Variants in PIK3R4 observed in about 807,000 individuals in gnomAD.
PIK3R4 encodes the protein phosphoinositide-3-kinase regulatory subunit 4, also known as phosphoinositide 3-kinase regulatory subunit 4.
In PIK3R4, 46 loss-of-function variants were observed where a neutral mutation model predicts 136.5. The ratio of observed to expected loss-of-function variants is 0.34; its 90% confidence interval spans 0.27 to 0.43. The LOEUF is 0.43. Ranked by LOEUF, PIK3R4 falls within the 20% of genes least tolerant of loss-of-function variation. The pLI, the probability that PIK3R4 is intolerant of heterozygous loss-of-function variation, is 1.00. For synonymous variants in PIK3R4, 557 were observed against 566.7 expected (o/e 0.98, Z 0.24); for missense variants, 1,331 against 1,649.5 (o/e 0.81, Z 3.35).
At chr3:130,715,118 C>A (rs1028468532) in intron 9 of PIK3R4, among the ~76,000 whole-genome samples, 2 of 148,202 alleles carry the variant, frequency 1.3e-5, no homozygotes, top group East Asian at 4.0e-4. Context: ...TATTTTTTCC[C>A]GACTTTTTTT....
At chr3:130,687,074 T>TC in intron 14 of PIK3R4, among the ~76,000 whole-genome samples, 1 of 149,960 alleles carries the variant, frequency 6.7e-6, no homozygotes, top group South Asian at 2.1e-4. Flanking sequence ...GATTTGGGTT[T>TC]TTTTTTTTTT....
chr3:130,733,695 C>G lies in PIK3R4; in HGVS notation c.1303G>C (p.Ala435Pro). The G allele has an allele frequency of 6.2e-7, 1 of 1,614,158 alleles. No individual in the cohort carries two copies. Among genetic ancestry groups the G allele is most frequent in the Non-Finnish European group, 8.5e-7 (1 of 1,179,976 alleles). The change falls in exon 4 of 20, where the codon GCT (alanine) becomes CCT (proline). Residue 435 changes from alanine to proline, a missense_variant. Ala to Pro is a conservative substitution (Grantham distance 27, BLOSUM62 -1). Coordinates refer to ENST00000356763, the MANE Select transcript of PIK3R4 (RefSeq NM_014602.3). ...TTGGTCAACGTCCTCAAGGCTTCAG[C>G]CCTCACCCTAGGAACAGAGTCATTG... ...FSNDSVPRVR[A>P]EALRTLTKVL...
intron 7 of PIK3R4, among the ~76,000 whole-genome samples, chr3:130,720,436 C>A (rs1378577393): frequency 6.6e-6 from 1 of 152,208 alleles, no homozygotes; most frequent in Non-Finnish European, 1.5e-5. Flanking sequence ...CTCAGGTGAT[C>A]CGCCTGCCTT....
chr3:130,692,836 CTT>C (rs972770857), intron 13 of PIK3R4, among the ~76,000 whole-genome samples: 1 of 152,222 alleles, frequency 6.6e-6, no homozygotes, highest in Non-Finnish European at 1.5e-5. Context: ...CTCCCCATCT[CTT>C]TTAATATTGA....
intron 4 of PIK3R4, 54 bp downstream of exon 4, chr3:130,733,494 G>T: frequency 8.6e-7 from 1 of 1,166,318 alleles, no homozygotes; most frequent in Non-Finnish European, 1.3e-6. Flanking sequence ...CAGTATTATA[G>T]TCATTAACTT....
intron 9 of PIK3R4, among the ~76,000 whole-genome samples, chr3:130,715,354 C>T (rs1040024519): frequency 1.2e-4 from 18 of 152,020 alleles, no homozygotes; most frequent in Admixed American, 1.2e-3. Context: ...GAATTCCTGA[C>T]CTCGGGTGAC....
chr3:130,720,784 G>A (rs1369893401), intron 7 of PIK3R4, among the ~76,000 whole-genome samples: 1 of 152,180 alleles, frequency 6.6e-6, no homozygotes, highest in Non-Finnish European at 1.5e-5. Context: ...CCAATGAAGA[G>A]GGCAGGAAGG....
chr3:130,696,988 T>C (rs554538105), intron 13 of PIK3R4, among the ~76,000 whole-genome samples: 1 of 150,862 alleles, frequency 6.6e-6, no homozygotes, highest in Admixed American at 6.6e-5. Flanking sequence ...TTTACCATTA[T>C]AAAATCTCCT....
At position 130,705,610 on chromosome 3, in the gene PIK3R4, A is replaced by C. The variant is rs1175347062; in HGVS notation, c.2883T>G (p.Ala961=). 5.0e-6 allele frequency: 8 copies of C among 1,613,814 alleles called. No individual in the cohort carries two copies. Among genetic ancestry groups the C allele is most frequent in the Non-Finnish European group, 6.8e-6 (8 of 1,179,824 alleles). Residue 961 remains alanine, a synonymous_variant, in exon 12 of 20, where the codon GCT becomes GCG. Coordinates refer to ENST00000356763, the MANE Select transcript of PIK3R4 (RefSeq NM_014602.3). ...KREQCNAERI[A]KQMMENAEWE... ...ATTCAGCATTTTCCATCATCTGCTT[A>C]GCTATTCTCTCAGCATTGCACTGCT...
Position 130,686,231 on chromosome 3 carries a change from T to C in PIK3R4, c.3455A>G (p.His1152Arg). The C allele has an allele frequency of 6.2e-7, 1 of 1,612,438 alleles. No individual in the cohort carries two copies. The highest frequency in any genetic ancestry group is 8.5e-7 in the Non-Finnish European group (1 of 1,178,644). Reference protein sequence around the residue: ...GLITSFAVDIHQCWLCIGTSS... With the variant: ...GLITSFAVDIRQCWLCIGTSS... ...CTTACCAATGCAGAGCCAGCATTGG[T>C]GGATGTCCACAGCAAAGGAAGTGAT... Residue 1152 changes from histidine (H) to arginine (R), a missense_variant, in exon 15 of 20, where the codon CAC becomes CGC. Physicochemically the swap from His to Arg is conservative, Grantham distance 29. Around this residue, in one of 2 missense-constraint regions of PIK3R4, gnomAD observed 1,180 missense variants for 1,407.0 expected, o/e 0.84. Coordinates refer to ENST00000356763, the MANE Select transcript of PIK3R4 (RefSeq NM_014602.3).
rs1476315417 is a variant in PIK3R4 at position 130,684,376 on chromosome 3, T to C, written c.3481A>G (p.Ser1161Gly). 18 of 1,613,014 alleles carry C rather than the reference T, an allele frequency of 1.1e-5. No individual in the cohort carries two copies. The highest frequency in any genetic ancestry group is 1.5e-5 in the Non-Finnish European group (18 of 1,179,312). Residue 1161 changes from serine (S) to glycine (G), a missense_variant, in exon 16 of 20, where the codon AGC becomes GGC. Ser to Gly is a moderately conservative substitution (Grantham distance 56). Around this residue, in one of 2 missense-constraint regions of PIK3R4, gnomAD observed 1,180 missense variants for 1,407.0 expected, o/e 0.84. Coordinates refer to ENST00000356763, the MANE Select transcript of PIK3R4 (RefSeq NM_014602.3). ...IHQCWLCIGT[S>G]SGTMACWDMR... ...TCCCAACAAGCCATGGTACCACTGC[T>C]TGTACCTTAAAGAAAAAAGGAAAAA...
chr3:130,739,201 C>CGAGTAGCTGGGACTACA (rs1261577086), intron 2 of PIK3R4, among the ~76,000 whole-genome samples: 6 of 152,178 alleles, frequency 3.9e-5, no homozygotes, highest in Non-Finnish European at 8.8e-5. Flanking sequence ...CTCAGCCTCC[C>CGAGTAGCTGGGACTACA]GAGTAGCTGG....
In PIK3R4 at chr3:130,681,043, C is replaced by A. The variant is rs1344572469; in HGVS notation, c.3731G>T (p.Gly1244Val). ...ELQPSPHSVH[G>V]IYCSPADGNP... Reference sequence around the variant, plus strand: ...TCCATCTGCAGGACTACAGTAGATACCATGGACGCTATGAGGAGAAGGCTT... The same window carrying A: ...TCCATCTGCAGGACTACAGTAGATAACATGGACGCTATGAGGAGAAGGCTT... Residue 1244 changes from glycine (G) to valine (V), a missense_variant, in exon 18 of 20, where the codon GGT becomes GTT. By Grantham distance (109) the Gly-to-Val change is moderately radical. This residue lies in a region of PIK3R4 where 1,180 missense variants were observed against 1,407.0 expected (regional missense o/e 0.84). Coordinates refer to ENST00000356763, the MANE Select transcript of PIK3R4 (RefSeq NM_014602.3). 6.3e-7 allele frequency: 1 copy of A among 1,589,864 alleles called. No homozygotes were observed. Among genetic ancestry groups the A allele is most frequent in the Non-Finnish European group, 8.6e-7 (1 of 1,158,164 alleles).
intron 9 of PIK3R4, among the ~76,000 whole-genome samples, chr3:130,715,590 C>T (rs1434668002): frequency 6.6e-6 from 1 of 151,816 alleles, no homozygotes; most frequent in Non-Finnish European, 1.5e-5. Flanking sequence ...TATCCTTTGC[C>T]CACTTTTTGA....
Position 130,708,595 on chromosome 3 carries a change from C to T in PIK3R4, c.2332-103G>A, listed in dbSNP as rs187911781. The T allele has an allele frequency of 1.1e-4, 110 of 1,007,312 alleles. No homozygotes were observed. The East Asian group carries it at 1.7e-3, about 16-fold the overall frequency. The allele number at this position is 1,007,312 out of a possible 1,614,324, so 62.4% of individuals were successfully genotyped here. ...AAGGGACAAATCACCCAATTTAAAACTGAAAAGAGACAGAAGGGTGAAACA... is the reference window on the plus strand; with the variant it reads ...AAGGGACAAATCACCCAATTTAAAATTGAAAAGAGACAGAAGGGTGAAACA... On this transcript the variant is annotated intron_variant, in intron 9 of 19. Coordinates refer to ENST00000356763, the MANE Select transcript of PIK3R4 (RefSeq NM_014602.3).
intron 2 of PIK3R4, among the ~76,000 whole-genome samples, chr3:130,736,643 T>TA (rs2066787408): frequency 1.3e-5 from 2 of 152,140 alleles, no homozygotes; most frequent in Admixed American, 6.5e-5. Flanking sequence ...ACAATTTACA[T>TA]AGAGTGATAA....
chr3:130,746,152 C>A (rs2066852132), intron 1 of PIK3R4, among the ~76,000 whole-genome samples, 166 bp downstream of exon 1: 1 of 152,184 alleles, frequency 6.6e-6, no homozygotes, highest in African/African-American at 2.4e-5. Flanking sequence ...AAAGAAGGTG[C>A]AAACTTCGCT....
intron 6 of PIK3R4, among the ~76,000 whole-genome samples, chr3:130,724,306 A>G (rs1170894130): frequency 6.6e-6 from 1 of 152,158 alleles, no homozygotes; most frequent in African/African-American, 2.4e-5. Flanking sequence ...TGAAATTAAA[A>G]TAAATAGTGT....
In PIK3R4 at chr3:130,703,839, A is replaced by C. The variant is rs774325910; in HGVS notation, c.2982T>G (p.Ser994=). The change falls in exon 13 of 20, where the codon TCT becomes TCG. Residue 994 remains serine (S), a synonymous_variant. Transcript: ENST00000356763. ...LLVAHLHEHK[S]AVNRIRVSDE... Reference sequence around the variant, plus strand: ...CAGAGACTCTAATTCGATTCACAGCAGATTTATGCTCATGAAGATGGGCAA... The same window carrying C: ...CAGAGACTCTAATTCGATTCACAGCCGATTTATGCTCATGAAGATGGGCAA... 1 of 1,612,986 alleles carries C rather than the reference A, an allele frequency of 6.2e-7. No individual in the cohort carries two copies. Among genetic ancestry groups the C allele is most frequent in the Non-Finnish European group, 8.5e-7 (1 of 1,179,000 alleles).
Sources: allele counts gnomAD v4.1 joint callset (sites outside exome capture counted in the v4.1 genomes callset), GRCh38; gene constraint gnomAD v4.1.1; regional missense constraint gnomAD v4.1.1; transcripts MANE v1.5; gene names NCBI Gene and HGNC (gene_info 2026-07-23, HGNC 2026-07-21).